Variants in NYAP2 observed in about 807,000 individuals in gnomAD.
NYAP2 encodes neuronal tyrosine-phosphorylated phosphoinositide-3-kinase adapter 2.
Under a neutral mutation model 50.4 loss-of-function variants are expected in NYAP2, and 23 were observed. The ratio of observed to expected loss-of-function variants is 0.46; its 90% CI spans 0.33 to 0.65. The LOEUF is 0.65. NYAP2 is among the 30% of genes least tolerant of loss of function. NYAP2 has a pLI of 0.02. For synonymous variants in NYAP2, 394 were observed against 365.2 expected (o/e 1.08, Z -0.90); for missense variants, 885 against 861.0 (o/e 1.03, Z -0.35).
chr2:225,443,392 G>A (rs1051576449), intron 3 of NYAP2, among the ~76,000 whole-genome samples: 1 of 152,080 alleles, frequency 6.6e-6, no homozygotes, highest in Non-Finnish European at 1.5e-5. Flanking sequence ...CCTGAAGCAT[G>A]GACAGGAAAC....
At chr2:225,447,398 A>T (rs1250968853) in intron 3 of NYAP2, among the ~76,000 whole-genome samples, 2 of 152,176 alleles carry the variant, frequency 1.3e-5, no homozygotes, top group Non-Finnish European at 2.9e-5. Flanking sequence ...TGTTAATCCC[A>T]AGACATCTTG....
At chr2:225,513,418 A>G (rs763674365) in exon 4 of NYAP2, 2 of 1,613,904 alleles carry the variant, frequency 1.2e-6, no homozygotes, top group African/African-American at 1.3e-5. Flanking sequence ...TACGTGGGCA[A>G]ACATTTCCGC....
chr2:225,409,172 T>A (rs377397311), intron 3 of NYAP2, 71 bp downstream of exon 3: 9 of 1,145,166 alleles, frequency 7.9e-6, no homozygotes, highest in Non-Finnish European at 1.1e-5. Flanking sequence ...AAAGTTGTGA[T>A]GTTGTCACTT....
At chr2:225,574,995 T>G (rs984704737) in intron 4 of NYAP2, among the ~76,000 whole-genome samples, 1 of 152,194 alleles carries the variant, frequency 6.6e-6, no homozygotes, top group Non-Finnish European at 1.5e-5. Flanking sequence ...CTTTCATTTC[T>G]GCTTGAGAAC....
At chr2:225,451,744 C>T (rs995955634) in intron 3 of NYAP2, among the ~76,000 whole-genome samples, 1 of 152,122 alleles carries the variant, frequency 6.6e-6, no homozygotes, top group Non-Finnish European at 1.5e-5. Flanking sequence ...AATAGTTTTT[C>T]TTAGCTTCAA....
intron 5 of NYAP2, among the ~76,000 whole-genome samples, chr2:225,589,516 A>AATATATATATATATATATATAT (rs71062993): frequency 0.011 from 768 of 70,944 alleles, 24 homozygotes; most frequent in African/African-American, 0.015. Context: ...CTAAAAGTAA[A>AATATATATATATATATATATAT]ATATATATAT....
chr2:225,665,807 T>TAAAAAAAAAAA, the NYAP2 span, among the ~76,000 whole-genome samples: 45 of 20,998 alleles, frequency 2.1e-3, 16 homozygotes, highest in South Asian at 0.016. Flanking sequence ...AGCCTCCGTC[T>TAAAAAAAAAAA]AAAAAAAAAA....
At chr2:225,529,137 A>AG (rs1691206378) in intron 4 of NYAP2, among the ~76,000 whole-genome samples, 1 of 152,174 alleles carries the variant, frequency 6.6e-6, no homozygotes, top group Non-Finnish European at 1.5e-5. Flanking sequence ...GGCAGAAAGG[A>AG]GTTCATAACC....
At chr2:225,543,394 C>A (rs1166034487) in intron 4 of NYAP2, among the ~76,000 whole-genome samples, 1 of 151,810 alleles carries the variant, frequency 6.6e-6, no homozygotes, top group Non-Finnish European at 1.5e-5. Context: ...GTGCTTATAG[C>A]TAAAAACTTC....
At chr2:225,641,422 A>AACACACACACACACACAC (rs56041107) in intron 6 of NYAP2, among the ~76,000 whole-genome samples, 1 of 133,652 alleles carries the variant, frequency 7.5e-6, no homozygotes, top group Non-Finnish European at 1.6e-5. Flanking sequence ...CAATCCCTCA[A>AACACACACACACACACAC]ACACACACAC....
At chr2:225,505,722 C>G (rs756791952) in intron 3 of NYAP2, among the ~76,000 whole-genome samples, 1 of 152,166 alleles carries the variant, frequency 6.6e-6, no homozygotes, top group Non-Finnish European at 1.5e-5. Context: ...GGACTTTTCT[C>G]AATACATTTG....
chr2:225,495,294 G>A (rs1024215122), intron 3 of NYAP2, among the ~76,000 whole-genome samples: 1 of 152,044 alleles, frequency 6.6e-6, no homozygotes, highest in African/African-American at 2.4e-5. Flanking sequence ...TACTTCTCAG[G>A]GGTTAGGAAA....
chr2:225,656,151 T>G (rs142342434), downstream of NYAP2, among the ~76,000 whole-genome samples: 421 of 152,276 alleles, frequency 2.8e-3, 3 homozygotes, highest in Middle Eastern at 6.8e-3. Flanking sequence ...AGGTCACTTG[T>G]AATTTCCTTT....
chr2:225,570,920 A>G (rs537177275), intron 4 of NYAP2, among the ~76,000 whole-genome samples: 1 of 152,362 alleles, frequency 6.6e-6, no homozygotes, highest in South Asian at 2.1e-4. Context: ...GTTACTTCCA[A>G]GATACAATGG....
chr2:225,537,257 C>T (rs1691368258), intron 4 of NYAP2, among the ~76,000 whole-genome samples: 1 of 152,148 alleles, frequency 6.6e-6, no homozygotes, highest in South Asian at 2.1e-4. Flanking sequence ...GCTCATTTCA[C>T]TTAACATAAT....
chr2:225,490,172 C>T (rs985500418), intron 3 of NYAP2, among the ~76,000 whole-genome samples: 1 of 152,172 alleles, frequency 6.6e-6, no homozygotes. Flanking sequence ...TTCAATTTGT[C>T]AGAGCACTTT....
At chr2:225,469,110 T>C (rs1022558187) in intron 3 of NYAP2, among the ~76,000 whole-genome samples, 4 of 152,120 alleles carry the variant, frequency 2.6e-5, no homozygotes, top group African/African-American at 9.7e-5. Flanking sequence ...ATTTTAGCAA[T>C]CTATCCGTCT....
In NYAP2 at chr2:225,651,542, T is replaced by C. The variant is rs1693732583; in HGVS notation, c.1939T>C (p.Ser647Pro). Residue 647 changes from serine (S) to proline (P), a missense_variant, in exon 7 of 7, where the codon TCA (serine) becomes CCA (proline). By Grantham distance (74) the Ser-to-Pro change is moderately conservative. Transcript: ENST00000636099. Reference sequence around the variant, plus strand: ...TGACCTGCAACAGAGCCAGGTACCATCATCGTTAGCCAATCGTGATTGACT... The same window carrying C: ...TGACCTGCAACAGAGCCAGGTACCACCATCGTTAGCCAATCGTGATTGACT... 1.2e-6 allele frequency: 2 copies of C among 1,614,004 alleles called. No homozygotes were observed. The highest frequency in any genetic ancestry group is 1.3e-5 in the African/African-American group (1 of 75,056).
rs772140673 is a variant in NYAP2, at chr2:225,582,439, C to A, written c.1022C>A (p.Pro341His). ...AGACCCCCGCTGCTGGTATTTCCCC[C>A]CGCCCCCGTGCATTGCTCCCCCAAC... The change falls in exon 5 of 7, where the codon CCC becomes CAC. Residue 341 changes from proline (P) to histidine (H), a missense_variant. Transcript: ENST00000636099. The surrounding 1 kb of genome is among the most constrained non-coding windows in gnomAD (Gnocchi z 7.0). The A allele has an allele frequency of 4.5e-6, 7 of 1,539,666 alleles. No individual in the cohort carries two copies. The South Asian group carries it at 4.7e-5, about 10-fold the overall frequency.
Sources: gnomAD v4.1 joint callset for allele counts (sites outside exome capture counted in the v4.1 genomes callset) on GRCh38, gnomAD v4.1.1 for gene constraint, Gnocchi (gnomAD v3.1) non-coding constraint, MANE v1.5 for transcripts, NCBI Gene and HGNC (gene_info 2026-07-23, HGNC 2026-07-21) for gene names.